HAPSTR1: variants seen among roughly 807,000 people sequenced by gnomAD.
HAPSTR1 encodes HUWE1 associated protein modifying stress responses, also known as HUWE1-associated protein modifying stress responses 1.
chr16:9,102,738 ATTTTT>A, the HAPSTR1 span, among the ~76,000 whole-genome samples: 4 of 149,078 alleles, frequency 2.7e-5, no homozygotes, highest in Non-Finnish European at 6.0e-5. Context: ...TTTCTGTTAA[ATTTTT>A]TTTTTTAACA....
At chr16:9,098,309 G>C in the HAPSTR1 span, among the ~76,000 whole-genome samples, 63 of 152,266 alleles carry the variant, frequency 4.1e-4, no homozygotes, top group African/African-American at 1.5e-3. Context: ...CTCCAGCCTG[G>C]GCAGCAAGAG....
the HAPSTR1 span, chr16:9,108,062 G>C: frequency 6.6e-6 from 1 of 152,124 alleles, no homozygotes; most frequent in Non-Finnish European, 1.5e-5. Flanking sequence ...TGCCTAGGGT[G>C]CTACATGGTA....
At chr16:9,110,332 T>C in the HAPSTR1 span, 1 of 152,154 alleles carries the variant, frequency 6.6e-6, no homozygotes. Context: ...TGGATAGGAA[T>C]GTTTTAGAAA....
chr16:9,098,084 A>G, the HAPSTR1 span, among the ~76,000 whole-genome samples: 1 of 152,178 alleles, frequency 6.6e-6, no homozygotes, highest in African/African-American at 2.4e-5. Context: ...TAATCCTAGC[A>G]CTTTGGGAGG....
At chr16:9,092,010 G>C in the HAPSTR1 span, 1 of 1,469,978 alleles carries the variant, frequency 6.8e-7, no homozygotes, top group Non-Finnish European at 9.1e-7. Flanking sequence ...AGGACGCGGC[G>C]GCGGTGGCGG....
the HAPSTR1 span, chr16:9,119,065 T>G: frequency 2.0e-5 from 3 of 152,670 alleles, no homozygotes; most frequent in Non-Finnish European, 1.5e-5. Flanking sequence ...CATTAAACTT[T>G]TAGAAAACTT....
the HAPSTR1 span, chr16:9,102,836 C>G: frequency 1.3e-6 from 1 of 763,612 alleles, no homozygotes; most frequent in Non-Finnish European, 2.1e-6. Context: ...TTCATTATGA[C>G]TGAAATCATT....
chr16:9,104,857 C>A, the HAPSTR1 span: 2 of 152,166 alleles, frequency 1.3e-5, no homozygotes, highest in African/African-American at 4.8e-5. Context: ...AATTTTAGCG[C>A]ATGGTAATAT....
chr16:9,116,139 C>CA, the HAPSTR1 span, among the ~76,000 whole-genome samples: 1 of 152,180 alleles, frequency 6.6e-6, no homozygotes, highest in African/African-American at 2.4e-5. Context: ...TCTTTTCGGG[C>CA]TCAACAGTAA....
the HAPSTR1 span, chr16:9,109,322 G>A: frequency 6.6e-6 from 1 of 152,088 alleles, no homozygotes; most frequent in Non-Finnish European, 1.5e-5. Context: ...AAAGGGTCCC[G>A]AGTGAGAAGA....
chr16:9,108,084 G>C, the HAPSTR1 span: 1 of 152,198 alleles, frequency 6.6e-6, no homozygotes, highest in East Asian at 1.9e-4. Flanking sequence ...TCTTGAATTA[G>C]AACAACTGAG....
chr16:9,101,277 T>G, the HAPSTR1 span, among the ~76,000 whole-genome samples: 1 of 152,234 alleles, frequency 6.6e-6, no homozygotes, highest in Non-Finnish European at 1.5e-5. Flanking sequence ...CTACTGTTAT[T>G]TACATTCAAA....
chr16:9,094,545 G>C, the HAPSTR1 span, among the ~76,000 whole-genome samples: 1 of 151,864 alleles, frequency 6.6e-6, no homozygotes, highest in Non-Finnish European at 1.5e-5. Flanking sequence ...GTCCCTGGCA[G>C]TCACTGATTT....
At chr16:9,118,225 T>A in the HAPSTR1 span, 1 of 152,756 alleles carries the variant, frequency 6.5e-6, no homozygotes, top group East Asian at 1.9e-4. Context: ...TATTATTATA[T>A]TATATATCAA....
chr16:9,094,182 G>A, the HAPSTR1 span, among the ~76,000 whole-genome samples: 1 of 152,086 alleles, frequency 6.6e-6, no homozygotes, highest in Non-Finnish European at 1.5e-5. Context: ...GTAACAAAGT[G>A]GTGAAAAGAA....
At chr16:9,103,033 C>T in the HAPSTR1 span, 2 of 1,614,128 alleles carry the variant, frequency 1.2e-6, no homozygotes, top group Non-Finnish European at 1.7e-6. Flanking sequence ...TTCAGATTGG[C>T]TATCAGCGAC....
At chr16:9,102,848 CAGTTTAT>C in the HAPSTR1 span, 1 of 818,932 alleles carries the variant, frequency 1.2e-6, no homozygotes, top group Non-Finnish European at 1.9e-6. Flanking sequence ...GAAATCATTT[CAGTTTAT>C]ATTACTGATG....
the HAPSTR1 span, among the ~76,000 whole-genome samples, chr16:9,094,578 T>G: frequency 1.3e-5 from 2 of 152,144 alleles, no homozygotes; most frequent in African/African-American, 4.8e-5. Flanking sequence ...TTCTCCTCCA[T>G]CATGTCCTAA....
chr16:9,116,159 G>T, the HAPSTR1 span, among the ~76,000 whole-genome samples: 76 of 152,264 alleles, frequency 5.0e-4, no homozygotes, highest in African/African-American at 1.8e-3. Context: ...ATCTGTTTTG[G>T]ATGGCAAGTT....
Sources: gnomAD v4.1 joint callset for allele counts (sites outside exome capture counted in the v4.1 genomes callset) on GRCh38, gnomAD v4.1.1 for gene constraint, MANE v1.5 for transcripts, NCBI Gene and HGNC (gene_info 2026-07-23, HGNC 2026-07-21) for gene names.